The following CHP1 variants were observed in gnomAD, a reference collection of about 807,000 sequenced individuals.
CHP1 encodes calcineurin B homologous protein 1.
CHP1 carries 11 observed loss-of-function variants against 27.4 expected under a neutral mutation model. The ratio of observed to expected loss-of-function variants is 0.40; its 90% CI spans 0.25 to 0.67. The LOEUF (loss-of-function observed/expected upper bound fraction) is 0.67, where lower values mean the gene tolerates loss of function less well. CHP1 is among the 30% of genes least tolerant of loss of function. The pLI is 0.38. For missense variants in CHP1, 169 were observed against 251.3 expected, an observed-to-expected ratio of 0.67 and a Z score of 2.22; for synonymous variants, 89 against 87.4, an observed-to-expected ratio of 1.02 and a Z score of -0.10.
At chr15:41,270,691 T>G (rs1009998492) in intron 5 of CHP1, 73 bp downstream of exon 5, 12 of 1,179,232 alleles carry the variant, frequency 1.0e-5, no homozygotes, top group Non-Finnish European at 1.4e-5. Flanking sequence ...AACTATTCTT[T>G]CCTTTAGTAA....
chr15:41,245,189 G>A (rs534073853), intron 2 of CHP1, among the ~76,000 whole-genome samples: 7 of 152,276 alleles, frequency 4.6e-5, no homozygotes, highest in East Asian at 3.9e-4. Context: ...GGCTGGACAC[G>A]GTGGCTCATG....
At chr15:41,257,295 A>T (rs886197731) in intron 3 of CHP1, among the ~76,000 whole-genome samples, 7 of 152,198 alleles carry the variant, frequency 4.6e-5, no homozygotes, top group Admixed American at 2.6e-4. Context: ...TGCAAAAGTT[A>T]AAAGTAATTC....
At chr15:41,260,362 A>G (rs924010475) in intron 3 of CHP1, among the ~76,000 whole-genome samples, 2 of 151,794 alleles carry the variant, frequency 1.3e-5, no homozygotes, top group African/African-American at 2.4e-5. Context: ...TTAAGTACCA[A>G]AAAGGCTTTA....
chr15:41,251,049 G>C (rs1023276623), intron 2 of CHP1, among the ~76,000 whole-genome samples: 1 of 152,008 alleles, frequency 6.6e-6, no homozygotes, highest in Non-Finnish European at 1.5e-5. Context: ...GGCCAGGATG[G>C]TCTCGATCTC....
chr15:41,276,317 A>C (rs2047519625), intron 5 of CHP1, among the ~76,000 whole-genome samples: 2 of 152,044 alleles, frequency 1.3e-5, no homozygotes, highest in Non-Finnish European at 2.9e-5. Context: ...TCTATGAGCC[A>C]CTGGGCTAGA....
chr15:41,262,003 A>AG (rs2047435963), intron 3 of CHP1, among the ~76,000 whole-genome samples: 1 of 149,360 alleles, frequency 6.7e-6, no homozygotes, highest in South Asian at 2.1e-4. Context: ...AAAAAAAAAA[A>AG]AAAAAAATAC....
chr15:41,257,966 G>C (rs766087317), intron 3 of CHP1, among the ~76,000 whole-genome samples: 6 of 152,188 alleles, frequency 3.9e-5, no homozygotes, highest in Non-Finnish European at 5.9e-5. Flanking sequence ...GATGTGACAA[G>C]TGACTGCAGT....
intron 2 of CHP1, among the ~76,000 whole-genome samples, chr15:41,252,005 GT>G (rs1293738662): frequency 1.3e-5 from 2 of 152,006 alleles, no homozygotes; most frequent in African/African-American, 2.4e-5. Flanking sequence ...GCCTCCCAAA[GT>G]GCTGGGATTA....
chr15:41,234,655 A>G (rs1045585077), intron 1 of CHP1, among the ~76,000 whole-genome samples: 4 of 152,330 alleles, frequency 2.6e-5, no homozygotes, highest in South Asian at 4.1e-4. Flanking sequence ...ATTACCTGTG[A>G]TCCTCAGTTT....
At position 41,279,482 on chromosome 15, in the gene CHP1, C is replaced by G. The variant is rs187075664; in HGVS notation, c.*93C>G. ...ACTCCACCTCCACCCCCTCATTCCC[C>G]TTCTCCCAAAGTACTACTGCTGTTG... is the stretch of plus-strand genomic sequence containing the variant. On this transcript the variant is annotated 3_prime_UTR_variant, in exon 7 of 7. Transcript: ENST00000334660. 794 of 1,057,702 alleles carry G rather than the reference C, an allele frequency of 7.5e-4. 2 individuals carry two copies. The highest frequency in any genetic ancestry group is 1.7e-3 in the Admixed American group (89 of 52,652). The allele number at this position is 1,057,702 out of a possible 1,614,324, so 65.5% of individuals were successfully genotyped here.
intron 6 of CHP1, 56 bp downstream of exon 6, chr15:41,278,945 G>A: frequency 1.2e-6 from 2 of 1,604,744 alleles, no homozygotes; most frequent in Non-Finnish European, 1.7e-6. Context: ...GGGCGCGGTG[G>A]CTTACGCCTG....
intron 3 of CHP1, among the ~76,000 whole-genome samples, chr15:41,258,815 G>A (rs935847224): frequency 5.9e-5 from 9 of 152,096 alleles, no homozygotes; most frequent in Non-Finnish European, 1.2e-4. Flanking sequence ...ATATTATATG[G>A]GTGCCAGTTT....
At chr15:41,247,544 C>T (rs1257032832) in intron 2 of CHP1, among the ~76,000 whole-genome samples, 11 of 149,196 alleles carry the variant, frequency 7.4e-5, no homozygotes, top group Admixed American at 4.0e-4. Context: ...TGGTGGCGCA[C>T]GCCTGTAATC....
chr15:41,252,547 A>G (rs1205541761), intron 2 of CHP1, among the ~76,000 whole-genome samples: 4 of 152,106 alleles, frequency 2.6e-5, no homozygotes, highest in African/African-American at 9.7e-5. Flanking sequence ...CATTATGTAC[A>G]AGTCAACTAA....
chr15:41,270,535 A>G, intron 4 of CHP1, 22 bp from the exon 5 acceptor site: 4 of 1,603,070 alleles, frequency 2.5e-6, no homozygotes, highest in Non-Finnish European at 3.4e-6. Flanking sequence ...ATTTTGACTA[A>G]CTTTGTGTTT....
At chr15:41,276,339 T>G (rs2047519724) in intron 5 of CHP1, among the ~76,000 whole-genome samples, 1 of 152,048 alleles carries the variant, frequency 6.6e-6, no homozygotes, top group Admixed American at 6.6e-5. Flanking sequence ...GCCCTTTCCT[T>G]TCTGTGGAAA....
chr15:41,258,517 C>T (rs1046119608), intron 3 of CHP1, among the ~76,000 whole-genome samples: 8 of 152,278 alleles, frequency 5.3e-5, no homozygotes, highest in Middle Eastern at 3.4e-3. Context: ...TAATCTGGAA[C>T]ATTTCCCCAG....
In CHP1 at chr15:41,232,041, G is replaced by C. The variant is rs554047801; in HGVS notation, c.67+592G>C. Among the ~76,000 whole-genome samples the C allele has an allele frequency of 4.6e-5, 7 of 152,022 alleles. No individual in the cohort carries two copies. The South Asian group carries it at 1.5e-3, about 32-fold the overall frequency. On this transcript the variant is annotated intron_variant, in intron 1 of 6. Coordinates refer to ENST00000334660, the MANE Select transcript of CHP1 (RefSeq NM_007236.5). ...AGACTTCTTTCAATCTGAACTTCTA[G>C]AGAAAAAACACGGATACTGTGACCA...
Position 41,231,336 on chromosome 15 carries a change from C to T in CHP1, c.-47C>T, listed in dbSNP as rs1454967674. On this transcript the variant is annotated 5_prime_UTR_variant, in exon 1 of 7. Coordinates refer to ENST00000334660, the MANE Select transcript of CHP1 (RefSeq NM_007236.5). ...TTCCCTCCCTCCTTCCCTCCTGTCGCCGTCTCTTCTGGCGCCGCTGCTCCC... is the reference window on the plus strand; with the variant it reads ...TTCCCTCCCTCCTTCCCTCCTGTCGTCGTCTCTTCTGGCGCCGCTGCTCCC... The T allele has an allele frequency of 3.9e-6, 6 of 1,545,184 alleles. No individual in the cohort carries two copies. Among genetic ancestry groups the T allele is most frequent in the South Asian group, 1.2e-5 (1 of 84,706 alleles).
Sources: allele counts gnomAD v4.1 joint callset (sites outside exome capture counted in the v4.1 genomes callset), GRCh38; gene constraint gnomAD v4.1.1; transcripts MANE v1.5; gene names NCBI Gene and HGNC (gene_info 2026-07-23, HGNC 2026-07-21).